DAAM1: variants seen among roughly 807,000 people sequenced by gnomAD.
The protein encoded by DAAM1 is disheveled-associated activator of morphogenesis 1.
In DAAM1, 52 loss-of-function variants were observed where a neutral mutation model predicts 130.0. The observed-to-expected ratio is 0.40, with a 90% CI of 0.32 to 0.50. DAAM1 has a LOEUF of 0.50. DAAM1 is among the 20% of genes least tolerant of loss of function. The probability of loss-of-function intolerance (pLI) is 0.61; values close to 1 mark genes in which losing one functional copy is unlikely to be tolerated. For synonymous variants in DAAM1, 452 were observed against 444.5 expected (o/e 1.02, Z -0.21); for missense variants, 1,134 against 1,303.8 (o/e 0.87, Z 2.01).
intron 1 of DAAM1, among the ~76,000 whole-genome samples, chr14:59,200,330 T>C (rs1357517785): frequency 6.6e-6 from 1 of 152,188 alleles, no homozygotes; most frequent in African/African-American, 2.4e-5. Context: ...AGGCCAACTC[T>C]GTCATTATTG....
intron 1 of DAAM1, among the ~76,000 whole-genome samples, chr14:59,236,311 A>G (rs1451135356): frequency 6.6e-6 from 1 of 152,084 alleles, no homozygotes; most frequent in Non-Finnish European, 1.5e-5. Flanking sequence ...ATGGGAAATC[A>G]TTAGAATTAT....
intron 1 of DAAM1, among the ~76,000 whole-genome samples, chr14:59,215,543 G>T (rs1888550652): frequency 6.6e-6 from 1 of 152,232 alleles, no homozygotes; most frequent in Non-Finnish European, 1.5e-5. Context: ...AGCCGCTGCA[G>T]GCTTGTTAAA....
At chr14:59,349,616 G>C (rs1886211005) in intron 17 of DAAM1, among the ~76,000 whole-genome samples, 1 of 152,186 alleles carries the variant, frequency 6.6e-6, no homozygotes, top group African/African-American at 2.4e-5. Flanking sequence ...GATGTGCCTG[G>C]TGGCTGCTTT....
In DAAM1 at chr14:59,289,742, A is replaced by G. The variant is rs551976140; in HGVS notation, c.184-1475A>G. Among the ~76,000 whole-genome samples the G allele has an allele frequency of 2.1e-5, 3 of 141,076 alleles. No homozygotes were observed. In the South Asian group the frequency reaches 7.1e-4, roughly 33 times the overall value. The allele number at this position is 141,076 out of a possible 152,430, so 92.6% of individuals were successfully genotyped here. A position where few individuals can be genotyped will look rare whatever the true frequency, so the allele number is the denominator to read the frequency against. ...ATGGAATCAACCAAGATGTTCATCA[A>G]CAGTGGACTGGATCAACAAAATGTG... On this transcript the variant is annotated intron_variant, in intron 2 of 24. Transcript: ENST00000360909.
intron 3 of DAAM1, among the ~76,000 whole-genome samples, chr14:59,314,480 A>AT (rs780481713): frequency 0.25 from 35,071 of 142,976 alleles, 4,801 homozygotes; most frequent in East Asian, 0.56. Context: ...CTGATAACTG[A>AT]TTTTTTTTTT....
chr14:59,255,713 CTTT>C (rs568429077), intron 1 of DAAM1, among the ~76,000 whole-genome samples: 175 of 150,886 alleles, frequency 1.2e-3, no homozygotes, highest in South Asian at 2.4e-3. Flanking sequence ...TCTTGTCCTT[CTTT>C]TTATGGTTGT....
At chr14:59,228,309 A>G (rs532565437) in intron 1 of DAAM1, among the ~76,000 whole-genome samples, 2 of 152,300 alleles carry the variant, frequency 1.3e-5, no homozygotes, top group African/African-American at 4.8e-5. Context: ...GACATAAGTT[A>G]GATGTTAAAG....
rs541804744 is a variant in DAAM1 at position 59,212,269 on chromosome 14, C to T, written c.-38+23501C>T. ...AATTCATTTAGTATAGTCATCTGGTCGGGAGTTATAAACTTTTTTGAAGTC... is the reference window on the plus strand; with the variant it reads ...AATTCATTTAGTATAGTCATCTGGTTGGGAGTTATAAACTTTTTTGAAGTC... On this transcript the variant is annotated intron_variant, in intron 1 of 24. Transcript: ENST00000360909. Among the ~76,000 whole-genome samples, 16 of 151,948 alleles carry T rather than the reference C, an allele frequency of 1.1e-4. 1 individual carries two copies. Among genetic ancestry groups the T allele is most frequent in the Non-Finnish European group, 2.2e-4 (15 of 68,008 alleles).
At chr14:59,254,967 C>T (rs1305447436) in intron 1 of DAAM1, among the ~76,000 whole-genome samples, 2 of 152,154 alleles carry the variant, frequency 1.3e-5, no homozygotes, top group East Asian at 1.9e-4. Flanking sequence ...ACCTGGGTGC[C>T]CTCCTCCCTT....
chr14:59,268,833 A>G, intron 2 of DAAM1, among the ~76,000 whole-genome samples: 1 of 152,186 alleles, frequency 6.6e-6, no homozygotes, highest in East Asian at 1.9e-4. Flanking sequence ...AAGAAATATA[A>G]CCAATATGAA....
intron 3 of DAAM1, among the ~76,000 whole-genome samples, chr14:59,313,675 G>A (rs925347841): frequency 4.6e-5 from 7 of 152,194 alleles, no homozygotes; most frequent in African/African-American, 1.7e-4. Context: ...ATCACTGTGA[G>A]TTTTGGCTTG....
At chr14:59,234,058 G>A (rs1889207245) in intron 1 of DAAM1, among the ~76,000 whole-genome samples, 1 of 152,184 alleles carries the variant, frequency 6.6e-6, no homozygotes. Flanking sequence ...TTGAGGTCAG[G>A]TAGCATGATG....
In DAAM1 at chr14:59,331,515, C is replaced by T; in HGVS notation, c.1860+7C>T. ...CTGGTCTAAACTGCCCGAGGTGAGC[C>T]ATTTGTTCCAGTTTTCCCTTTAATG... On this transcript the variant is annotated splice_region_variant and intron_variant, in intron 14 of 24. Coordinates refer to ENST00000360909, the MANE Select transcript of DAAM1 (RefSeq NM_001270520.2). 2 of 1,571,718 alleles carry T rather than the reference C, an allele frequency of 1.3e-6. No homozygotes were observed. Among genetic ancestry groups the T allele is most frequent in the Non-Finnish European group, 1.7e-6 (2 of 1,156,988 alleles).
intron 23 of DAAM1, among the ~76,000 whole-genome samples, chr14:59,364,565 A>AT (rs1314687669): frequency 6.6e-6 from 1 of 151,410 alleles, no homozygotes. Flanking sequence ...TATAAATGAT[A>AT]TTAACACTCT....
At chr14:59,280,480 CCCTT>C (rs1452760694) in intron 2 of DAAM1, among the ~76,000 whole-genome samples, 4 of 151,652 alleles carry the variant, frequency 2.6e-5, no homozygotes, top group African/African-American at 4.8e-5. Flanking sequence ...CTTGAAATAT[CCCTT>C]CCCTTCCTCC....
At chr14:59,190,346 TC>T (rs1887695392) in intron 1 of DAAM1, among the ~76,000 whole-genome samples, 1 of 152,094 alleles carries the variant, frequency 6.6e-6, no homozygotes, top group South Asian at 2.1e-4. Context: ...AAAAATCTCT[TC>T]CCCCTTTCGG....
Position 59,331,362 on chromosome 14 carries a change from G to A in DAAM1, c.1714G>A (p.Gly572Ser), listed in dbSNP as rs1885430620. The A allele has an allele frequency of 6.6e-7, 1 of 1,522,256 alleles. No individual in the cohort carries two copies. Among genetic ancestry groups the A allele is most frequent in the African/African-American group, 1.5e-5 (1 of 67,512 alleles). The allele number at this position is 1,522,256 out of a possible 1,614,324, so 94.3% of individuals were successfully genotyped here. Residue 572 changes from glycine (G) to serine (S), a missense_variant, in exon 14 of 25, where the codon GGT becomes AGT. Physicochemically the swap from Gly to Ser is moderately conservative, Grantham distance 56. Transcript: ENST00000360909. ...LPPPPPPLPP[G>S]GPPPPPGPPP... ...CCCTCCACCGCCTCCCCTCCCTCCA[G>A]GTGGCCCTCCTCCTCCCCCAGGGCC... is the stretch of plus-strand genomic sequence containing the variant.
chr14:59,202,786 AC>A (rs1888147264), intron 1 of DAAM1, among the ~76,000 whole-genome samples: 1 of 152,196 alleles, frequency 6.6e-6, no homozygotes, highest in Non-Finnish European at 1.5e-5. Context: ...AGGAATGTTT[AC>A]AACATGAGTT....
At chr14:59,289,767 G>GATATATATATATATATATAT in intron 2 of DAAM1, among the ~76,000 whole-genome samples, 6,142 of 109,554 alleles carry the variant, frequency 0.056, 421 homozygotes, top group East Asian at 0.094. Context: ...AACAAAATGT[G>GATATATATATATATATATAT]ATATATATAT....
Sources: allele counts gnomAD v4.1 joint callset (sites outside exome capture counted in the v4.1 genomes callset), GRCh38; gene constraint gnomAD v4.1.1; transcripts MANE v1.5; gene names NCBI Gene and HGNC (gene_info 2026-07-23, HGNC 2026-07-21).